The following CDH9 variants were observed in gnomAD, a reference collection of about 807,000 sequenced individuals.
CDH9 encodes cadherin-9.
Under a neutral mutation model 70.9 loss-of-function variants are expected in CDH9, and 28 were observed. That is an observed-to-expected ratio of 0.40 (90% confidence interval 0.29 to 0.54). The LOEUF (loss-of-function observed/expected upper bound fraction) is 0.54. Ranked by LOEUF, CDH9 falls within the 20% of genes least tolerant of loss-of-function variation. The pLI is 0.59. For missense variants in CDH9, 874 were observed against 984.4 expected, an observed-to-expected ratio of 0.89 and a Z score of 1.50; for synonymous variants, 409 against 343.1, an observed-to-expected ratio of 1.19 and a Z score of -2.12.
At chr5:26,907,498 CA>C (rs1190431448) in intron 3 of CDH9, among the ~76,000 whole-genome samples, 1 of 151,934 alleles carries the variant, frequency 6.6e-6, no homozygotes, top group Admixed American at 6.6e-5. Context: ...CATTATTCTC[CA>C]AAAGAAGATC....
At chr5:26,910,098 G>GA (rs1741022926) in intron 3 of CDH9, among the ~76,000 whole-genome samples, 1 of 151,802 alleles carries the variant, frequency 6.6e-6, no homozygotes, top group African/African-American at 2.4e-5. Flanking sequence ...ATATATAAAA[G>GA]AAAAAACATC....
chr5:26,926,860 C>A (rs10037638), intron 2 of CDH9, among the ~76,000 whole-genome samples: 14,327 of 148,954 alleles, frequency 0.096, 863 homozygotes, highest in East Asian at 0.18. Flanking sequence ...GGAAGTACTT[C>A]TAAACTCATT....
chr5:27,031,826 T>C (rs1743316209), intron 1 of CDH9, among the ~76,000 whole-genome samples: 1 of 151,942 alleles, frequency 6.6e-6, no homozygotes, highest in South Asian at 2.1e-4. Context: ...ATTTGGTCTC[T>C]GTAGGTTTCA....
chr5:27,010,211 A>C (rs1742933314), intron 1 of CDH9, among the ~76,000 whole-genome samples: 1 of 152,034 alleles, frequency 6.6e-6, no homozygotes, highest in Admixed American at 6.6e-5. Context: ...ACACTCTTTG[A>C]ACAGCACTTA....
chr5:26,896,794 C>T (rs898784705), intron 7 of CDH9, among the ~76,000 whole-genome samples: 2 of 151,660 alleles, frequency 1.3e-5, no homozygotes, highest in African/African-American at 4.8e-5. Context: ...CAAAAGCTAG[C>T]AGAAGACAAG....
chr5:27,011,212 T>C (rs1219982731), intron 1 of CDH9, among the ~76,000 whole-genome samples: 1 of 152,120 alleles, frequency 6.6e-6, no homozygotes, highest in African/African-American at 2.4e-5. Flanking sequence ...ATGTTATTTA[T>C]AGGTTGAACT....
chr5:26,896,324 T>C (rs143414070), intron 7 of CDH9, among the ~76,000 whole-genome samples: 1 of 152,028 alleles, frequency 6.6e-6, no homozygotes, highest in Admixed American at 6.6e-5. Flanking sequence ...AGAGGTTTTA[T>C]ATACACACAT....
chr5:26,950,360 T>C (rs1420029525), intron 2 of CDH9, among the ~76,000 whole-genome samples: 1 of 152,204 alleles, frequency 6.6e-6, no homozygotes, highest in Non-Finnish European at 1.5e-5. Flanking sequence ...CAAAGGTATA[T>C]GATGAACAAA....
At chr5:26,931,910 A>T (rs1741470187) in intron 2 of CDH9, among the ~76,000 whole-genome samples, 1 of 152,142 alleles carries the variant, frequency 6.6e-6, no homozygotes, top group Admixed American at 6.6e-5. Flanking sequence ...TTTTAAAAAG[A>T]GATAATGGTG....
At chr5:26,921,871 A>T (rs1741249398) in intron 2 of CDH9, among the ~76,000 whole-genome samples, 1 of 152,152 alleles carries the variant, frequency 6.6e-6, no homozygotes, top group South Asian at 2.1e-4. Context: ...AAATTTAACA[A>T]AGAGATTAAA....
At chr5:26,987,525 A>G (rs998122013) in intron 2 of CDH9, among the ~76,000 whole-genome samples, 4 of 152,054 alleles carry the variant, frequency 2.6e-5, no homozygotes, top group African/African-American at 4.8e-5. Context: ...AAAATTGAAC[A>G]TAAGAAGGGA....
At chr5:26,969,524 G>A (rs376551675) in intron 2 of CDH9, among the ~76,000 whole-genome samples, 3 of 152,024 alleles carry the variant, frequency 2.0e-5, no homozygotes, top group African/African-American at 7.2e-5. Flanking sequence ...ATTGAATCAT[G>A]GAAATAAGGC....
intron 2 of CDH9, among the ~76,000 whole-genome samples, chr5:26,971,331 A>C (rs765616060): frequency 6.6e-6 from 1 of 152,110 alleles, no homozygotes; most frequent in Non-Finnish European, 1.5e-5. Context: ...TGAACACATC[A>C]TTTTCAAGAG....
intron 2 of CDH9, among the ~76,000 whole-genome samples, chr5:26,952,931 A>G (rs1038621623): frequency 1.3e-5 from 2 of 149,946 alleles, no homozygotes; most frequent in Non-Finnish European, 3.0e-5. Flanking sequence ...AAGTTTAAAG[A>G]GAATACAGTC....
intron 2 of CDH9, among the ~76,000 whole-genome samples, chr5:26,964,184 T>C (rs1742088237): frequency 6.6e-6 from 1 of 151,822 alleles, no homozygotes; most frequent in Non-Finnish European, 1.5e-5. Context: ...CAAGACTCTA[T>C]GCTGATTAAT....
chr5:26,901,835 G>T (rs1362213752), intron 7 of CDH9, among the ~76,000 whole-genome samples: 2 of 151,680 alleles, frequency 1.3e-5, no homozygotes, highest in African/African-American at 2.4e-5. Context: ...AATTTGGAAA[G>T]ATATGCTATA....
At chr5:26,903,247 C>A in intron 6 of CDH9, 1 of 312,158 alleles carries the variant, frequency 3.2e-6, no homozygotes, top group Non-Finnish European at 6.0e-6. Context: ...ATCGAGGCAA[C>A]CAATGGAAAA....
At chr5:26,885,502 G>T in intron 11 of CDH9, 112 bp downstream of exon 11, 1 of 923,326 alleles carries the variant, frequency 1.1e-6, no homozygotes, top group Non-Finnish European at 1.6e-6. Flanking sequence ...AATAAAAAGT[G>T]AAAATGTTCT....
At chr5:26,951,221 A>T (rs1741837626) in intron 2 of CDH9, among the ~76,000 whole-genome samples, 1 of 117,960 alleles carries the variant, frequency 8.5e-6, no homozygotes, top group Non-Finnish European at 1.6e-5. Flanking sequence ...TGAACCCGGG[A>T]GGTGGAGGTT....
Sources: gnomAD v4.1 joint callset for allele counts (sites outside exome capture counted in the v4.1 genomes callset) on GRCh38, gnomAD v4.1.1 for gene constraint, MANE v1.5 for transcripts, NCBI Gene and HGNC (gene_info 2026-07-23, HGNC 2026-07-21) for gene names.